The following RFX7 variants were observed in gnomAD, a reference collection of about 807,000 sequenced individuals.
RFX7 encodes DNA-binding protein RFX7.
A neutral mutation model predicts 111.8 loss-of-function variants in RFX7; 26 were observed. The ratio of observed to expected loss-of-function variants is 0.23; its 90% CI spans 0.17 to 0.32. The LOEUF (loss-of-function observed/expected upper bound fraction) is 0.32. Among genes scored for constraint, RFX7 ranks in the 10% least tolerant of loss-of-function variants. RFX7 has a pLI of 1.00. For missense variants in RFX7, 1,573 were observed against 1,772.9 expected (o/e 0.89, Z 2.02); for synonymous variants, 624 against 624.4 (o/e 1.00, Z 0.01).
intron 2 of RFX7, among the ~76,000 whole-genome samples, chr15:56,208,004 T>C (rs1473194164): frequency 1.3e-5 from 2 of 152,176 alleles, no homozygotes; most frequent in African/African-American, 4.8e-5. Context: ...AGGCTCAGAA[T>C]GAACAAGTCT....
chr15:56,117,834 T>C (rs1305751360), intron 5 of RFX7, among the ~76,000 whole-genome samples: 4 of 152,154 alleles, frequency 2.6e-5, no homozygotes, highest in Non-Finnish European at 5.9e-5. Flanking sequence ...CAGTATTCCA[T>C]TGTGTATATA....
Position 56,094,056 on chromosome 15 carries a change from T to C in RFX7, c.3672A>G (p.Gln1224=), listed in dbSNP as rs760294199. ...GCATCATGACTGTCAATGGAACTGA[T>C]TGGCTTCTTTGAGCTATGTTGTTGG... The part of the protein sequence containing the change: ...ACANNIAQRS[Q]SVPLTVMMQT... Residue 1224 remains glutamine (Q), a synonymous_variant, in exon 10 of 10, where the codon CAA becomes CAG. Coordinates refer to ENST00000559447, the MANE Select transcript of RFX7 (RefSeq NM_022841.7). 18 of 1,613,940 alleles carry C rather than the reference T, an allele frequency of 1.1e-5. No homozygotes were observed. The highest frequency in any genetic ancestry group is 1.7e-5 in the Admixed American group (1 of 60,020).
chr15:56,140,287 C>T (rs528575539), intron 5 of RFX7, among the ~76,000 whole-genome samples: 1 of 152,356 alleles, frequency 6.6e-6, no homozygotes, highest in East Asian at 1.9e-4. Context: ...GCGTAGGACC[C>T]TCTGAGCCAG....
At chr15:56,189,577 A>T (rs533965193) in intron 2 of RFX7, among the ~76,000 whole-genome samples, 25 of 152,340 alleles carry the variant, frequency 1.6e-4, no homozygotes, top group African/African-American at 6.0e-4. Flanking sequence ...AATAAAGAGC[A>T]AACAACTGGA....
intron 3 of RFX7, among the ~76,000 whole-genome samples, chr15:56,165,266 A>AT (rs1269255184): frequency 1.6e-4 from 25 of 152,190 alleles, no homozygotes; most frequent in Admixed American, 1.0e-3. Flanking sequence ...GTTTTAAAGG[A>AT]TTACATAATC....
chr15:56,239,988 T>C (rs975280978), intron 2 of RFX7, among the ~76,000 whole-genome samples: 10 of 111,684 alleles, frequency 9.0e-5, no homozygotes, highest in East Asian at 6.5e-4. Flanking sequence ...GTATTTCTTT[T>C]TTTTTTTTTT....
At chr15:56,222,183 C>A (rs2043433577) in intron 2 of RFX7, among the ~76,000 whole-genome samples, 1 of 152,138 alleles carries the variant, frequency 6.6e-6, no homozygotes, top group African/African-American at 2.4e-5. Flanking sequence ...TTAAAAGGTT[C>A]CATTGTCTTC....
At chr15:56,114,621 T>A (rs539493728) in intron 5 of RFX7, among the ~76,000 whole-genome samples, 1 of 152,128 alleles carries the variant, frequency 6.6e-6, no homozygotes, top group East Asian at 1.9e-4. Flanking sequence ...TAATGCTTTT[T>A]TTTGTGGTAA....
intron 3 of RFX7, among the ~76,000 whole-genome samples, chr15:56,156,542 T>C (rs752250206): frequency 2.0e-4 from 31 of 152,072 alleles, no homozygotes; most frequent in Middle Eastern, 3.2e-3. Flanking sequence ...AATCCTTTAT[T>C]TGTGACTCTT....
chr15:56,103,721 C>T (rs2140530518), intron 5 of RFX7, 51 bp from the exon 6 acceptor site: 5 of 1,081,466 alleles, frequency 4.6e-6, no homozygotes, highest in South Asian at 2.9e-5. Flanking sequence ...AGAATTATAT[C>T]GCAGGGTGCT....
chr15:56,157,357 C>T (rs546368053), intron 3 of RFX7, among the ~76,000 whole-genome samples: 3 of 152,084 alleles, frequency 2.0e-5, no homozygotes, highest in East Asian at 3.9e-4. Flanking sequence ...CATGTGTGGG[C>T]CTTTAATTCC....
chr15:56,138,210 T>A (rs1159693995), intron 5 of RFX7, among the ~76,000 whole-genome samples: 2 of 127,432 alleles, frequency 1.6e-5, no homozygotes, highest in African/African-American at 3.0e-5. Flanking sequence ...ATGTTGACAG[T>A]GGGGTGTTAA....
intron 2 of RFX7, among the ~76,000 whole-genome samples, chr15:56,240,202 C>T (rs1231987067): frequency 1.3e-5 from 2 of 151,618 alleles, no homozygotes; most frequent in Non-Finnish European, 2.9e-5. Context: ...AAGCACATGC[C>T]TACTAAGAAA....
Position 56,243,489 on chromosome 15 carries a change from T to C in RFX7, c.-47A>G, listed in dbSNP as rs2043742412. ...GCTTTCGCCTGCCGCCTGGGGAACA[T>C]CACCGGGGAGACCAGCGGCTCCTCA... On this transcript the variant is annotated 5_prime_UTR_variant, in exon 1 of 10. The change abolishes an upstream ATG in the 5' untranslated region. Coordinates refer to ENST00000559447, the MANE Select transcript of RFX7 (RefSeq NM_022841.7). 1.0e-6 allele frequency: 1 copy of C among 984,210 alleles called. No individual in the cohort carries two copies. The highest frequency in any genetic ancestry group is 1.2e-6 in the Non-Finnish European group (1 of 829,634). 61.0% of individuals were successfully genotyped at this position (984,210 alleles called of 1,614,324 possible).
At position 56,122,182 on chromosome 15, in the gene RFX7, C is replaced by T. The variant is rs147199090; in HGVS notation, c.402-18512G>A. 8.7e-4 allele frequency among the ~76,000 whole-genome samples: 133 copies of T among 152,178 alleles called. No homozygotes were observed. The East Asian group carries it at 0.023, about 27-fold the overall frequency. On this transcript the variant is annotated intron_variant, in intron 5 of 9. Transcript: ENST00000559447. ...TACTGGGAAAGACTTTGCAGGTATT[C>T]GAAGGGACTTTTGTGCCGTGATCTG...
intron 2 of RFX7, among the ~76,000 whole-genome samples, chr15:56,188,023 G>C (rs1370810765): frequency 6.6e-6 from 1 of 152,126 alleles, no homozygotes; most frequent in African/African-American, 2.4e-5. Context: ...AGCAGACAAG[G>C]ACTTCAAAGC....
intron 5 of RFX7, among the ~76,000 whole-genome samples, chr15:56,125,764 A>G (rs1035868420): frequency 5.9e-5 from 9 of 152,162 alleles, no homozygotes; most frequent in African/African-American, 2.2e-4. Flanking sequence ...GATAGTAGGC[A>G]AACATTAAAC....
At chr15:56,140,797 CTT>C (rs1347544538) in intron 5 of RFX7, among the ~76,000 whole-genome samples, 1 of 152,098 alleles carries the variant, frequency 6.6e-6, no homozygotes, top group African/African-American at 2.4e-5. Flanking sequence ...TTATGGGAAT[CTT>C]TGAAAAAGAT....
At chr15:56,131,789 TC>T (rs1350957668) in intron 5 of RFX7, among the ~76,000 whole-genome samples, 1 of 152,114 alleles carries the variant, frequency 6.6e-6, no homozygotes, top group Admixed American at 6.5e-5. Context: ...GGAAGGAAAG[TC>T]TATTAAATGT....
Sources: allele counts gnomAD v4.1 joint callset (sites outside exome capture counted in the v4.1 genomes callset), GRCh38; gene constraint gnomAD v4.1.1; transcripts MANE v1.5; gene names NCBI Gene and HGNC (gene_info 2026-07-23, HGNC 2026-07-21).